Variants in BRINP1 observed in about 807,000 individuals in gnomAD.
The protein encoded by BRINP1 is BMP/retinoic acid-inducible neural-specific protein 1.
A neutral mutation model predicts 72.9 loss-of-function variants in BRINP1; 17 were observed. The observed-to-expected ratio is 0.23, with a 90% confidence interval of 0.16 to 0.35. The LOEUF (loss-of-function observed/expected upper bound fraction) is 0.35. BRINP1 is among the 10% of genes least tolerant of loss of function. The probability of loss-of-function intolerance (pLI) is 1.00; values close to 1 mark genes in which losing one functional copy is unlikely to be tolerated. For missense variants in BRINP1, 850 were observed against 1,001.6 expected, an observed-to-expected ratio of 0.85 and a Z score of 2.04; for synonymous variants, 418 against 378.5, an observed-to-expected ratio of 1.10 and a Z score of -1.21.
chr9:119,247,736 A>G (rs1168729400), intron 3 of BRINP1, among the ~76,000 whole-genome samples: 2 of 151,628 alleles, frequency 1.3e-5, no homozygotes, highest in African/African-American at 4.8e-5. Context: ...TGCATGGAAA[A>G]CACTCACTTA....
intron 2 of BRINP1, among the ~76,000 whole-genome samples, chr9:119,288,350 A>AT (rs35064695): frequency 0.27 from 40,718 of 151,902 alleles, 6,535 homozygotes; most frequent in Non-Finnish European, 0.35. Context: ...TTCTTTTTAA[A>AT]TTTTTTTTAA....
At chr9:119,303,672 A>G (rs758606644) in intron 2 of BRINP1, among the ~76,000 whole-genome samples, 29 of 152,148 alleles carry the variant, frequency 1.9e-4, no homozygotes, top group Non-Finnish European at 3.1e-4. Context: ...TCTTCCTAGT[A>G]TAAGAATGGA....
At chr9:119,307,974 G>T (rs149740942) in intron 2 of BRINP1, among the ~76,000 whole-genome samples, 1 of 152,038 alleles carries the variant, frequency 6.6e-6, no homozygotes, top group Non-Finnish European at 1.5e-5. Flanking sequence ...CTTTCACTAC[G>T]TACAAGCTGT....
chr9:119,341,611 T>C (rs1244649152), intron 1 of BRINP1, among the ~76,000 whole-genome samples: 1 of 152,220 alleles, frequency 6.6e-6, no homozygotes, highest in African/African-American at 2.4e-5. Context: ...CAGATGATTT[T>C]GCCCAACTGT....
At chr9:119,288,753 C>T (rs1449508334) in intron 2 of BRINP1, among the ~76,000 whole-genome samples, 5 of 152,024 alleles carry the variant, frequency 3.3e-5, no homozygotes, top group Non-Finnish European at 5.9e-5. Context: ...GGTGAATGCA[C>T]CAAAGGAGAG....
At chr9:119,212,741 C>G (rs1179747144) in intron 6 of BRINP1, among the ~76,000 whole-genome samples, 1 of 152,126 alleles carries the variant, frequency 6.6e-6, no homozygotes, top group African/African-American at 2.4e-5. Flanking sequence ...ATGTTAAGTA[C>G]CTGCTTGGCA....
At chr9:119,190,621 C>T (rs1014695814) in intron 7 of BRINP1, among the ~76,000 whole-genome samples, 3 of 151,852 alleles carry the variant, frequency 2.0e-5, no homozygotes, top group African/African-American at 7.2e-5. Flanking sequence ...AAAACCTGAA[C>T]AGACCACTAA....
intron 1 of BRINP1, among the ~76,000 whole-genome samples, chr9:119,333,128 C>T (rs1383945183): frequency 6.6e-6 from 1 of 151,538 alleles, no homozygotes; most frequent in Non-Finnish European, 1.5e-5. Flanking sequence ...TGTCTTTAAT[C>T]TAGTGTGGCT....
intron 7 of BRINP1, among the ~76,000 whole-genome samples, chr9:119,198,309 G>GC (rs1829762318): frequency 6.6e-6 from 1 of 152,092 alleles, no homozygotes; most frequent in South Asian, 2.1e-4. Flanking sequence ...CCCATGCTTT[G>GC]CCATTTTGCT....
intron 1 of BRINP1, among the ~76,000 whole-genome samples, chr9:119,338,539 G>A (rs867466144): frequency 1.3e-5 from 2 of 151,254 alleles, no homozygotes; most frequent in African/African-American, 4.9e-5. Context: ...CTCCATAAGT[G>A]GAGAAGACTG....
At chr9:119,197,228 G>A (rs1829747834) in intron 7 of BRINP1, among the ~76,000 whole-genome samples, 1 of 152,212 alleles carries the variant, frequency 6.6e-6, no homozygotes, top group South Asian at 2.1e-4. Flanking sequence ...AATCAGGGAT[G>A]AATCTGAAAA....
intron 2 of BRINP1, among the ~76,000 whole-genome samples, chr9:119,299,020 C>G (rs570204528): frequency 6.6e-6 from 1 of 152,088 alleles, no homozygotes; most frequent in East Asian, 1.9e-4. Context: ...AGGAATGGCT[C>G]AATCAAATTA....
At chr9:119,338,278 CT>C (rs755641554) in intron 1 of BRINP1, among the ~76,000 whole-genome samples, 1,887 of 133,952 alleles carry the variant, frequency 0.014, 14 homozygotes, top group Non-Finnish European at 0.018. Flanking sequence ...TTAGATTGGG[CT>C]TTTTTTTTTT....
chr9:119,257,454 T>C (rs1186140906), intron 2 of BRINP1, among the ~76,000 whole-genome samples: 2 of 152,192 alleles, frequency 1.3e-5, no homozygotes, highest in African/African-American at 4.8e-5. Context: ...AGAATACATT[T>C]TGGAATACTA....
At chr9:119,260,195 G>C (rs1201936408) in intron 2 of BRINP1, among the ~76,000 whole-genome samples, 1 of 152,104 alleles carries the variant, frequency 6.6e-6, no homozygotes, top group African/African-American at 2.4e-5. Flanking sequence ...AATCTTTAAG[G>C]ATTAACTCAC....
At chr9:119,317,241 T>A (rs1831134326) in intron 1 of BRINP1, among the ~76,000 whole-genome samples, 1 of 152,106 alleles carries the variant, frequency 6.6e-6, no homozygotes, top group Non-Finnish European at 1.5e-5. Context: ...ACATTTGTGA[T>A]TCATGGGAAG....
intron 1 of BRINP1, among the ~76,000 whole-genome samples, chr9:119,354,747 T>C (rs1039304884): frequency 1.3e-5 from 2 of 151,934 alleles, no homozygotes; most frequent in Admixed American, 6.6e-5. Flanking sequence ...CATGTGCCTG[T>C]AGTCACAGCT....
At chr9:119,268,324 G>A (rs901789839) in intron 2 of BRINP1, among the ~76,000 whole-genome samples, 2 of 145,262 alleles carry the variant, frequency 1.4e-5, no homozygotes, top group African/African-American at 2.5e-5. Context: ...GTATAAAATC[G>A]AAACTCTACC....
intron 5 of BRINP1, among the ~76,000 whole-genome samples, chr9:119,218,993 G>A (rs192960526): frequency 1.2e-4 from 18 of 152,074 alleles, no homozygotes; most frequent in African/African-American, 3.4e-4. Context: ...CCTTGTGATG[G>A]GACTAGTGCC....
Sources: allele counts gnomAD v4.1 joint callset (sites outside exome capture counted in the v4.1 genomes callset), GRCh38; gene constraint gnomAD v4.1.1; transcripts MANE v1.5; gene names NCBI Gene and HGNC (gene_info 2026-07-23, HGNC 2026-07-21).